PDLIM5: variants seen among roughly 807,000 people sequenced by gnomAD.
The protein encoded by PDLIM5 is PDZ and LIM domain 5.
In PDLIM5, 34 loss-of-function variants were observed where a neutral mutation model predicts 64.2. The ratio of observed to expected loss-of-function variants is 0.53; its 90% confidence interval spans 0.40 to 0.71. The LOEUF is 0.71. Ranked by LOEUF, PDLIM5 falls within the 30% of genes least tolerant of loss-of-function variation. The pLI, the probability that PDLIM5 is intolerant of heterozygous loss-of-function variation, is 0.00. For synonymous variants in PDLIM5, 253 were observed against 269.1 expected (o/e 0.94, Z 0.59); for missense variants, 683 against 733.6 (o/e 0.93, Z 0.80).
intron 2 of PDLIM5, among the ~76,000 whole-genome samples, chr4:94,464,072 T>C (rs1414687586): frequency 6.6e-6 from 1 of 152,212 alleles, no homozygotes; most frequent in Non-Finnish European, 1.5e-5. Context: ...TATATTTTTT[T>C]GTAGTAAAGA....
intron 7 of PDLIM5, among the ~76,000 whole-genome samples, chr4:94,617,675 GAA>G (rs1738897503): frequency 6.8e-6 from 1 of 147,124 alleles, no homozygotes; most frequent in East Asian, 2.0e-4. Flanking sequence ...AGTAGAAGAA[GAA>G]AAAGAGTAAC....
At chr4:94,520,626 G>T (rs1411803470) in intron 2 of PDLIM5, among the ~76,000 whole-genome samples, 1 of 152,178 alleles carries the variant, frequency 6.6e-6, no homozygotes, top group Non-Finnish European at 1.5e-5. Context: ...GAAGCTCATA[G>T]GAGTATTTAG....
intron 5 of PDLIM5, chr4:94,579,674 G>A: frequency 2.3e-6 from 1 of 440,986 alleles, no homozygotes; most frequent in Non-Finnish European, 4.2e-6. Context: ...AGTATTTTCA[G>A]TAAGCTTGGT....
At chr4:94,507,112 A>G (rs1728459873) in intron 2 of PDLIM5, among the ~76,000 whole-genome samples, 1 of 150,818 alleles carries the variant, frequency 6.6e-6, no homozygotes. Context: ...AGGCTTTTGA[A>G]CTCCGACTGA....
At chr4:94,498,424 G>A (rs1346134785) in intron 2 of PDLIM5, among the ~76,000 whole-genome samples, 2 of 152,078 alleles carry the variant, frequency 1.3e-5, no homozygotes, top group Non-Finnish European at 2.9e-5. Flanking sequence ...CTAACACTTG[G>A]ACTTTCTGAG....
At chr4:94,514,196 G>T (rs942809319) in intron 2 of PDLIM5, among the ~76,000 whole-genome samples, 1 of 148,142 alleles carries the variant, frequency 6.8e-6, no homozygotes, top group African/African-American at 2.5e-5. Flanking sequence ...GTGCAGTGGC[G>T]CAATCTGGGC....
chr4:94,523,331 A>C (rs1441610201), intron 2 of PDLIM5, among the ~76,000 whole-genome samples: 3 of 152,224 alleles, frequency 2.0e-5, no homozygotes, highest in Non-Finnish European at 4.4e-5. Flanking sequence ...GAGTTTTAAA[A>C]AATTATTTCT....
chr4:94,573,495 A>G (rs762967217), intron 4 of PDLIM5, 102 bp downstream of exon 4: 2 of 953,838 alleles, frequency 2.1e-6, no homozygotes, highest in Non-Finnish European at 3.4e-6. Flanking sequence ...CATTTAATTT[A>G]TAGTCTCAGT....
intron 3 of PDLIM5, among the ~76,000 whole-genome samples, chr4:94,550,896 G>C (rs1404666696): frequency 1.3e-5 from 2 of 152,078 alleles, no homozygotes; most frequent in East Asian, 3.8e-4. Flanking sequence ...CCTAAACTGG[G>C]GTTGAGGTCT....
chr4:94,587,068 C>G, intron 7 of PDLIM5: 1 of 1,608,090 alleles, frequency 6.2e-7, no homozygotes. Context: ...AGCACGTGCT[C>G]TTAACGTACA....
chr4:94,658,556 T>C (rs1422448803), intron 11 of PDLIM5, among the ~76,000 whole-genome samples: 1 of 152,260 alleles, frequency 6.6e-6, no homozygotes, highest in African/African-American at 2.4e-5. Flanking sequence ...TTTATTGTTA[T>C]TCTACCTTGA....
At chr4:94,569,126 A>G (rs1236740981) in intron 3 of PDLIM5, among the ~76,000 whole-genome samples, 1 of 152,180 alleles carries the variant, frequency 6.6e-6, no homozygotes, top group Non-Finnish European at 1.5e-5. Flanking sequence ...TTCCCACAAA[A>G]TGGCCCCCTC....
intron 7 of PDLIM5, among the ~76,000 whole-genome samples, chr4:94,607,264 A>G (rs1738003458): frequency 6.7e-6 from 1 of 149,500 alleles, no homozygotes; most frequent in African/African-American, 2.5e-5. Flanking sequence ...TTATCCACAG[A>G]CTTTTTTTTT....
chr4:94,585,002 C>T lies in PDLIM5; in HGVS notation c.711-563C>T, dbSNP rs370669920. On this transcript the variant is annotated intron_variant, in intron 5 of 12. Coordinates refer to ENST00000317968, the MANE Select transcript of PDLIM5 (RefSeq NM_006457.5). Reference sequence around the variant, plus strand: ...AATTAAAAGGAAAATCCCACCTAAACGGTAATCTTTCTGTTGAATACATTC... The same window carrying T: ...AATTAAAAGGAAAATCCCACCTAAATGGTAATCTTTCTGTTGAATACATTC... The T allele has an allele frequency of 8.2e-5, 123 of 1,506,234 alleles. No homozygotes were observed. The East Asian group carries it at 1.4e-3, about 17-fold the overall frequency. The allele number at this position is 1,506,234 out of a possible 1,614,324, so 93.3% of individuals were successfully genotyped here.
chr4:94,556,919 A>T (rs1733387084), intron 3 of PDLIM5, among the ~76,000 whole-genome samples: 1 of 152,066 alleles, frequency 6.6e-6, no homozygotes. Context: ...ATTAGATCCC[A>T]TTTGTCAATT....
chr4:94,585,225 G>A (rs941115714), intron 5 of PDLIM5, among the ~76,000 whole-genome samples: 14 of 152,056 alleles, frequency 9.2e-5, no homozygotes, highest in African/African-American at 2.4e-4. Flanking sequence ...CCAGTAGCTG[G>A]GACTACAGGC....
At chr4:94,626,040 C>T (rs1452450665) in intron 8 of PDLIM5, among the ~76,000 whole-genome samples, 2 of 151,984 alleles carry the variant, frequency 1.3e-5, no homozygotes, top group Non-Finnish European at 2.9e-5. Flanking sequence ...AAGTTGTGAC[C>T]ATTTGAAGGT....
intron 8 of PDLIM5, among the ~76,000 whole-genome samples, chr4:94,629,756 A>G (rs535441645): frequency 1.3e-5 from 2 of 152,362 alleles, no homozygotes; most frequent in East Asian, 3.9e-4. Context: ...ACATACCAGC[A>G]TTCTCCACTG....
intron 7 of PDLIM5, chr4:94,587,960 T>C (rs1360489281): frequency 1.0e-6 from 1 of 981,756 alleles, no homozygotes; most frequent in Non-Finnish European, 1.2e-6. Flanking sequence ...TACTGTGCAC[T>C]GCTGCTATTC....
Sources: gnomAD v4.1 joint callset for allele counts (sites outside exome capture counted in the v4.1 genomes callset) on GRCh38, gnomAD v4.1.1 for gene constraint, MANE v1.5 for transcripts, NCBI Gene and HGNC (gene_info 2026-07-23, HGNC 2026-07-21) for gene names.